The following ADGRA3 variants were observed in gnomAD, a reference collection of about 807,000 sequenced individuals.
ADGRA3 encodes G-protein coupled receptor 125.
Under a neutral mutation model 119.8 loss-of-function variants are expected in ADGRA3, and 56 were observed. That is an observed-to-expected ratio of 0.47 (90% CI 0.38 to 0.58). The LOEUF is 0.58. Ranked by LOEUF, ADGRA3 falls within the 20% of genes least tolerant of loss-of-function variation. The pLI is 0.00. For synonymous variants in ADGRA3, 607 were observed against 623.8 expected (o/e 0.97, Z 0.40); for missense variants, 1,516 against 1,649.0 (o/e 0.92, Z 1.40).
Position 22,445,112 on chromosome 4 carries a change from A to G in ADGRA3, c.567T>C (p.Leu189=). ...TCCACAGTATGTTACAGTCACACAAAAGATACTCAGTCTGGAATTCCCTGT... is the reference window on the plus strand; with the variant it reads ...TCCACAGTATGTTACAGTCACACAAGAGATACTCAGTCTGGAATTCCCTGT... ...LRSLEFQTEY[L]LCDCNILWMH... is the part of the protein sequence containing the mutation. The change falls in exon 6 of 19, where the codon CTT becomes CTC. Residue 189 remains leucine, a synonymous_variant. Coordinates refer to ENST00000334304, the MANE Select transcript of ADGRA3 (RefSeq NM_145290.4). The G allele has an allele frequency of 3.1e-6, 5 of 1,613,922 alleles. No individual in the cohort carries two copies. Among genetic ancestry groups the G allele is most frequent in the Non-Finnish European group, 4.2e-6 (5 of 1,179,836 alleles).
In ADGRA3 at chr4:22,392,644, A is replaced by G; in HGVS notation, c.2528T>C (p.Val843Ala). 1 of 1,613,806 alleles carries G rather than the reference A, an allele frequency of 6.2e-7. No homozygotes were observed. Among genetic ancestry groups the G allele is most frequent in the Non-Finnish European group, 8.5e-7 (1 of 1,179,794 alleles). Residue 843 changes from valine (V) to alanine (A), a missense_variant, in exon 17 of 19, where the codon GTA becomes GCA. This residue lies in a region of ADGRA3 where 1,088 missense variants were observed against 1,107.1 expected (regional missense o/e 0.98). Transcript: ENST00000334304. The stretch of plus-strand genomic sequence containing the variant: ...GTAGATATTTCGAGCTGTCACTCCT[A>G]CCCATAGTACTGTGGCAAGGGTGGA... ...HYSTLATVLW[V>A]GVTARNIYKQ...
chr4:22,431,999 A>G (rs547155580), intron 10 of ADGRA3, among the ~76,000 whole-genome samples: 1 of 152,270 alleles, frequency 6.6e-6, no homozygotes, highest in African/African-American at 2.4e-5. Context: ...AAGAACCTAT[A>G]GATGACCTTA....
At chr4:22,511,706 C>G (rs775709005) in intron 1 of ADGRA3, among the ~76,000 whole-genome samples, 2 of 152,026 alleles carry the variant, frequency 1.3e-5, no homozygotes, top group Non-Finnish European at 2.9e-5. Flanking sequence ...TCAGCCCCTA[C>G]AGACTCCTCT....
intron 9 of ADGRA3, 152 bp from the exon 10 acceptor site, chr4:22,435,618 C>T: frequency 1.6e-6 from 1 of 637,608 alleles, no homozygotes. Flanking sequence ...TTTACAAACC[C>T]AAGAAAACTG....
At chr4:22,389,036 A>C in intron 18 of ADGRA3, 52 bp downstream of exon 18, 1 of 1,599,602 alleles carries the variant, frequency 6.3e-7, no homozygotes, top group Non-Finnish European at 8.5e-7. Flanking sequence ...CCTAGAAAAT[A>C]CTTAAAAGAG....
At chr4:22,399,339 A>T (rs149695639) in intron 16 of ADGRA3, among the ~76,000 whole-genome samples, 45 of 152,294 alleles carry the variant, frequency 3.0e-4, no homozygotes, top group Non-Finnish European at 4.6e-4. Context: ...GCTCTTGATA[A>T]ATACAAGTTC....
At chr4:22,424,933 G>C (rs934067241) in intron 10 of ADGRA3, among the ~76,000 whole-genome samples, 5 of 151,978 alleles carry the variant, frequency 3.3e-5, no homozygotes, top group East Asian at 1.9e-4. Flanking sequence ...AAATTAGCTG[G>C]GCATGGTGGC....
Position 22,515,896 on chromosome 4 carries a change from G to C in ADGRA3, c.-112C>G. ...GGCCCAGCGGCGACCGGAGCCTTAT[G>C]GCGGCCGGAGGACGGGCCTTCCCCG... On this transcript the variant is annotated 5_prime_UTR_variant, in exon 1 of 19. Coordinates refer to ENST00000334304, the MANE Select transcript of ADGRA3 (RefSeq NM_145290.4). The C allele has an allele frequency of 1.5e-6, 1 of 683,968 alleles. No homozygotes were observed. Among genetic ancestry groups the C allele is most frequent in the Non-Finnish European group, 1.8e-6 (1 of 555,974 alleles). The allele number at this position is 683,968 out of a possible 1,614,324, so 42.4% of individuals were successfully genotyped here. A position where few individuals can be genotyped will look rare whatever the true frequency, so the allele number is the denominator to read the frequency against.
intron 11 of ADGRA3, among the ~76,000 whole-genome samples, chr4:22,421,332 T>C (rs1715672333): frequency 6.7e-6 from 1 of 150,046 alleles, no homozygotes; most frequent in Non-Finnish European, 1.5e-5. Context: ...GAAGAAGTCA[T>C]GAAGTACAGA....
Position 22,411,628 on chromosome 4 carries a change from C to A in ADGRA3, c.2232+1554G>T, listed in dbSNP as rs1715205223. ...AAAACAAAAAATAAATATAAGTTGA[C>A]TACACAATAATAAAATGTGAACTTA... On this transcript the variant is annotated intron_variant, in intron 14 of 18. Transcript: ENST00000334304. Among the ~76,000 whole-genome samples, 10 of 152,024 alleles carry A rather than the reference C, an allele frequency of 6.6e-5. No individual in the cohort carries two copies. The South Asian group carries it at 2.1e-3, about 32-fold the overall frequency.
In ADGRA3 at chr4:22,515,993, G is replaced by C. The variant is rs1475893198; in HGVS notation, c.-209C>G. Reference sequence around the variant, plus strand: ...GGAGCCGGGGGTCACGGCCGCATGGGTCCCAGCGCCGCTCTACCGCCCGGC... The same window carrying C: ...GGAGCCGGGGGTCACGGCCGCATGGCTCCCAGCGCCGCTCTACCGCCCGGC... On this transcript the variant is annotated 5_prime_UTR_variant, in exon 1 of 19. Coordinates refer to ENST00000334304, the MANE Select transcript of ADGRA3 (RefSeq NM_145290.4). 6.0e-6 allele frequency: 1 copy of C among 166,166 alleles called. No homozygotes were observed. The highest frequency in any genetic ancestry group is 1.2e-5 in the Non-Finnish European group (1 of 80,942). 10.3% of individuals were successfully genotyped at this position (166,166 alleles called of 1,614,324 possible). A position where few individuals can be genotyped will look rare whatever the true frequency, so the allele number is the denominator to read the frequency against.
intron 1 of ADGRA3, among the ~76,000 whole-genome samples, chr4:22,509,497 C>T (rs1347093995): frequency 1.4e-5 from 2 of 147,300 alleles, no homozygotes; most frequent in Non-Finnish European, 3.0e-5. Context: ...GGCGAGACTC[C>T]ATCTCAAAAA....
intron 1 of ADGRA3, among the ~76,000 whole-genome samples, chr4:22,476,950 A>G (rs1248786130): frequency 6.6e-6 from 1 of 151,944 alleles, no homozygotes; most frequent in Non-Finnish European, 1.5e-5. Context: ...TACAGGTGTG[A>G]GACACCACAC....
chr4:22,497,227 G>C (rs953488317), intron 1 of ADGRA3, among the ~76,000 whole-genome samples: 6 of 152,056 alleles, frequency 3.9e-5, no homozygotes, highest in Admixed American at 3.9e-4. Flanking sequence ...GGAAATGCAG[G>C]CAAGAAAAAT....
intron 4 of ADGRA3, among the ~76,000 whole-genome samples, chr4:22,452,335 G>A (rs996446501): frequency 2.6e-5 from 4 of 152,176 alleles, no homozygotes; most frequent in African/African-American, 9.6e-5. Context: ...TAAAAGCCCT[G>A]ACTTGACCAC....
chr4:22,455,356 C>G (rs1044880624), intron 3 of ADGRA3, among the ~76,000 whole-genome samples: 1 of 151,888 alleles, frequency 6.6e-6, no homozygotes, highest in Non-Finnish European at 1.5e-5. Flanking sequence ...GATAAAAGGG[C>G]AAAATATTAC....
intron 1 of ADGRA3, among the ~76,000 whole-genome samples, chr4:22,505,571 C>T (rs979322771): frequency 4.0e-5 from 6 of 149,806 alleles, no homozygotes; most frequent in African/African-American, 7.4e-5. Context: ...GGTTTGAGCC[C>T]GGGAGACGGA....
intron 17 of ADGRA3, among the ~76,000 whole-genome samples, chr4:22,389,828 A>G (rs974964700): frequency 1.3e-5 from 2 of 152,112 alleles, no homozygotes; most frequent in Non-Finnish European, 2.9e-5. Context: ...CTACAAAGAA[A>G]AACTCTGTGC....
intron 6 of ADGRA3, among the ~76,000 whole-genome samples, chr4:22,443,649 T>C (rs1276575871): frequency 6.6e-6 from 1 of 152,178 alleles, no homozygotes; most frequent in Non-Finnish European, 1.5e-5. Flanking sequence ...TGAATTGATA[T>C]GCATCTATTT....
Sources: gnomAD v4.1 joint callset for allele counts (sites outside exome capture counted in the v4.1 genomes callset) on GRCh38, gnomAD v4.1.1 for gene constraint, gnomAD v4.1.1 regional missense constraint, MANE v1.5 for transcripts, NCBI Gene and HGNC (gene_info 2026-07-23, HGNC 2026-07-21) for gene names.